Variants in PAK6 observed in about 807,000 individuals in gnomAD.
The protein encoded by PAK6 is p21 (RAC1) activated kinase 6, also known as serine/threonine-protein kinase PAK 6.
PAK6 carries 33 observed loss-of-function variants against 60.8 expected under a neutral mutation model. The observed-to-expected ratio is 0.54, with a 90% CI of 0.41 to 0.73. The LOEUF is 0.73. Among genes scored for constraint, PAK6 ranks in the 30% least tolerant of loss-of-function variants. PAK6 has a pLI of 0.00. For missense variants in PAK6, 845 were observed against 904.1 expected (o/e 0.93, Z 0.84); for synonymous variants, 404 against 378.5 (o/e 1.07, Z -0.78).
At chr15:40,248,719 C>T (rs985873017) in intron 2 of PAK6, among the ~76,000 whole-genome samples, 5 of 149,304 alleles carry the variant, frequency 3.3e-5, no homozygotes, top group East Asian at 4.0e-4. Flanking sequence ...TAGGAAGGGA[C>T]GGTCCTCCTA....
chr15:40,264,729 G>A (rs1595590384), intron 3 of PAK6, 52 bp from the exon 4 acceptor site: 2 of 1,539,668 alleles, frequency 1.3e-6, no homozygotes, highest in East Asian at 2.2e-5. Flanking sequence ...AGGCCCTGCT[G>A]CAGCCACCCC....
intron 2 of PAK6, chr15:40,247,120 G>A (rs1372536055): frequency 6.6e-6 from 1 of 152,378 alleles, no homozygotes; most frequent in African/African-American, 2.4e-5. Flanking sequence ...CCACGCAGGG[G>A]TGTCACAGTC....
At chr15:40,254,853 T>C (rs535915358) in intron 3 of PAK6, among the ~76,000 whole-genome samples, 2 of 152,354 alleles carry the variant, frequency 1.3e-5, no homozygotes, top group East Asian at 3.9e-4. Context: ...GCACAGTCTA[T>C]CCATGTGGTG....
chr15:40,260,984 GT>G (rs1412233270), intron 3 of PAK6, among the ~76,000 whole-genome samples: 3 of 151,598 alleles, frequency 2.0e-5, no homozygotes, highest in Non-Finnish European at 4.4e-5. Context: ...CGCCTCCCAG[GT>G]TCACGCCATT....
chr15:40,262,185 C>A (rs1454790013), intron 3 of PAK6, among the ~76,000 whole-genome samples: 1 of 152,150 alleles, frequency 6.6e-6, no homozygotes, highest in Non-Finnish European at 1.5e-5. Context: ...CAGGTCTATC[C>A]AAGGGACTGG....
At chr15:40,270,410 C>T (rs1177747583) in intron 5 of PAK6, among the ~76,000 whole-genome samples, 2 of 152,230 alleles carry the variant, frequency 1.3e-5, no homozygotes, top group East Asian at 1.9e-4. Flanking sequence ...AGGCTCCCAC[C>T]GAATCAGGCT....
chr15:40,242,747 G>C (rs1341315582), intron 2 of PAK6, among the ~76,000 whole-genome samples: 2 of 152,210 alleles, frequency 1.3e-5, no homozygotes, highest in African/African-American at 4.8e-5. Context: ...AGCCCTAGGG[G>C]CCAGGAAGGG....
At chr15:40,244,713 G>T (rs1205630085) in intron 2 of PAK6, among the ~76,000 whole-genome samples, 1 of 152,078 alleles carries the variant, frequency 6.6e-6, no homozygotes, top group East Asian at 1.9e-4. Flanking sequence ...TTTCTACAAA[G>T]GATTATCTGT....
chr15:40,249,083 G>A (rs550059132), intron 2 of PAK6, among the ~76,000 whole-genome samples: 2 of 152,304 alleles, frequency 1.3e-5, no homozygotes, highest in East Asian at 1.9e-4. Context: ...TGTCTGGTGA[G>A]GGCCTGCTTC....
chr15:40,263,941 C>T (rs2039050596), intron 3 of PAK6: 1 of 456,012 alleles, frequency 2.2e-6, no homozygotes, highest in Non-Finnish European at 4.4e-6. Flanking sequence ...CATAGAGCTC[C>T]AATACCAGAG....
chr15:40,273,426 A>C, exon 8 of PAK6: 9 of 1,613,888 alleles, frequency 5.6e-6, no homozygotes, highest in Non-Finnish European at 7.6e-6. Context: ...GGTGTCATCC[A>C]CCGGGACATC....
rs543703561 is a variant in PAK6, at chr15:40,260,560, C to G, written c.-5-4221C>G. On this transcript the variant is annotated intron_variant, in intron 3 of 10. Transcript: ENST00000560346. ...TAATTATTGTAGCTTTCTAATAAAT[C>G]TTAATATCTATTTAGTACAATCCTC... Among the ~76,000 whole-genome samples, 154 of 152,314 alleles carry G rather than the reference C, an allele frequency of 1.0e-3. 1 individual carries two copies. The highest frequency in any genetic ancestry group is 8.4e-4 in the Non-Finnish European group (57 of 68,036).
At chr15:40,252,698 TC>T (rs779599658) in intron 2 of PAK6, 4 of 1,306,528 alleles carry the variant, frequency 3.1e-6, no homozygotes, top group Non-Finnish European at 4.0e-6. Flanking sequence ...GCAGGTGGGT[TC>T]CCCGGCTGCC....
intron 2 of PAK6, 133 bp from the exon 3 acceptor site, chr15:40,253,045 G>A: frequency 2.6e-6 from 1 of 387,688 alleles, no homozygotes; most frequent in Non-Finnish European, 4.9e-6. Flanking sequence ...GCCGCCTCTT[G>A]CACCTGAGCC....
intron 2 of PAK6, among the ~76,000 whole-genome samples, chr15:40,243,613 G>C (rs977192836): frequency 6.6e-6 from 1 of 152,202 alleles, no homozygotes; most frequent in African/African-American, 2.4e-5. Flanking sequence ...ATCAGGAAAG[G>C]CTTCACGGAG....
chr15:40,264,683 C>T, intron 3 of PAK6, 98 bp from the exon 4 acceptor site: 1 of 976,224 alleles, frequency 1.0e-6, no homozygotes, highest in Non-Finnish European at 1.6e-6. Flanking sequence ...GGGAGCTGTG[C>T]TGGGGGAGGG....
chr15:40,262,078 C>T (rs1019424200), intron 3 of PAK6, among the ~76,000 whole-genome samples: 2 of 152,170 alleles, frequency 1.3e-5, no homozygotes, highest in African/African-American at 4.8e-5. Context: ...GATTCACCAG[C>T]TCTTCTTCAG....
chr15:40,250,440 G>A (rs763672442), intron 2 of PAK6, among the ~76,000 whole-genome samples: 9 of 152,138 alleles, frequency 5.9e-5, no homozygotes, highest in Admixed American at 2.0e-4. Context: ...CCCAACTGAC[G>A]GTTATTCTTG....
At position 40,268,853 on chromosome 15, in the gene PAK6, T is replaced by C. The variant is rs561823881; in HGVS notation, c.858+2358T>C. Reference sequence around the variant, plus strand: ...CACCTACCGTGTACTCCGATATATGTCAAGGATACATGGCACCAGTGGGAT... The same window carrying C: ...CACCTACCGTGTACTCCGATATATGCCAAGGATACATGGCACCAGTGGGAT... On this transcript the variant is annotated intron_variant, in intron 5 of 10. Transcript: ENST00000560346. Among the ~76,000 whole-genome samples, 78 of 152,288 alleles carry C rather than the reference T, an allele frequency of 5.1e-4. 2 individuals carry two copies. The highest frequency in any genetic ancestry group is 1.9e-3 in the African/African-American group (77 of 41,544).
Sources: gnomAD v4.1 joint callset for allele counts (sites outside exome capture counted in the v4.1 genomes callset) on GRCh38, gnomAD v4.1.1 for gene constraint, MANE v1.5 for transcripts, NCBI Gene and HGNC (gene_info 2026-07-23, HGNC 2026-07-21) for gene names.